The following GDPD1 variants were observed in gnomAD, a reference collection of about 807,000 sequenced individuals.
The protein encoded by GDPD1 is glycerophosphodiester phosphodiesterase domain containing 1, also known as lysophospholipase D GDPD1.
GDPD1 carries 28 observed loss-of-function variants against 45.1 expected under a neutral mutation model. The ratio of observed to expected loss-of-function variants is 0.62; its 90% CI spans 0.46 to 0.85. The LOEUF is 0.85. GDPD1 is among the 40% of genes least tolerant of loss of function. GDPD1 has a pLI of 0.00. For synonymous variants in GDPD1, 139 were observed against 131.4 expected, an observed-to-expected ratio of 1.06 and a Z score of -0.40; for missense variants, 256 against 364.8, an observed-to-expected ratio of 0.70 and a Z score of 2.43.
intron 2 of GDPD1, 63 bp from the exon 3 acceptor site, chr17:59,245,351 C>T (rs2047202156): frequency 3.0e-6 from 4 of 1,327,974 alleles, no homozygotes; most frequent in Admixed American, 4.0e-5. Flanking sequence ...ATTGTTAGAT[C>T]TCATGCATGT....
At chr17:59,264,848 T>A (rs938019228) in intron 6 of GDPD1, among the ~76,000 whole-genome samples, 18 of 152,208 alleles carry the variant, frequency 1.2e-4, no homozygotes, top group African/African-American at 4.3e-4. Flanking sequence ...ATTTATATAA[T>A]TTTTTAATTT....
chr17:59,272,992 A>G, intron 9 of GDPD1, 156 bp downstream of exon 9: 2 of 1,486,338 alleles, frequency 1.3e-6, no homozygotes, highest in Non-Finnish European at 1.8e-6. Context: ...TCTTCCTTAC[A>G]CTTAGCAATA....
intron 1 of GDPD1, among the ~76,000 whole-genome samples, chr17:59,230,393 T>TC (rs1354040707): frequency 6.9e-6 from 1 of 144,412 alleles, no homozygotes; most frequent in Non-Finnish European, 1.5e-5. Flanking sequence ...TTTTTTTTTT[T>TC]TTTTTTTAGA....
At chr17:59,223,870 C>T (rs1597958530) in intron 1 of GDPD1, among the ~76,000 whole-genome samples, 1 of 152,142 alleles carries the variant, frequency 6.6e-6, no homozygotes, top group African/African-American at 2.4e-5. Context: ...GAGATGGTGC[C>T]ACTGCACTCC....
chr17:59,268,315 G>A (rs1206395376), intron 7 of GDPD1, among the ~76,000 whole-genome samples: 20 of 151,944 alleles, frequency 1.3e-4, no homozygotes, highest in Non-Finnish European at 2.4e-4. Context: ...GGTGGCTCAC[G>A]CCTGTAATCC....
In GDPD1 at chr17:59,273,641, TA is replaced by T; in HGVS notation, c.823-8del. ...TTTCTTCTCATACTTCTCACACTTC[TA>T]ATTTTCAGGTGTATATTTGGGTATT... On this transcript the variant is annotated splice_polypyrimidine_tract_variant and intron_variant, in intron 9 of 9. Transcript: ENST00000284116. 1 of 1,428,624 alleles carries T rather than the reference TA, an allele frequency of 7.0e-7. No homozygotes were observed. The highest frequency in any genetic ancestry group is 9.6e-7 in the Non-Finnish European group (1 of 1,038,006). 88.5% of individuals were successfully genotyped at this position (1,428,624 alleles called of 1,614,324 possible).
intron 6 of GDPD1, among the ~76,000 whole-genome samples, chr17:59,262,169 C>T (rs1373955231): frequency 3.3e-5 from 5 of 151,876 alleles, no homozygotes; most frequent in African/African-American, 1.2e-4. Flanking sequence ...ATCCGCCCGC[C>T]TCGGCCTCCC....
chr17:59,248,768 A>T lies in GDPD1; in HGVS notation c.350A>T (p.Asp117Val). The change falls in exon 4 of 10, where the codon GAT becomes GTT. Residue 117 changes from aspartate (D) to valine (V), a missense_variant. Physicochemically the swap from Asp to Val is radical, Grantham distance 152. Transcript: ENST00000284116. ...CELPPYLGKL[D>V]VSFQRACQCE... ...CTCCCACCTTACCTTGGCAAACTGG[A>T]TGTCTCATTTCAAAGAGGTAATATT... 6.2e-7 allele frequency: 1 copy of T among 1,605,534 alleles called. No homozygotes were observed. Among genetic ancestry groups the T allele is most frequent in the Non-Finnish European group, 8.5e-7 (1 of 1,175,438 alleles).
chr17:59,268,298 C>T (rs868457147), intron 7 of GDPD1, among the ~76,000 whole-genome samples: 2 of 151,888 alleles, frequency 1.3e-5, no homozygotes, highest in Non-Finnish European at 2.9e-5. Flanking sequence ...TTTTCATGGC[C>T]GGGCGCGGTG....
intron 6 of GDPD1, among the ~76,000 whole-genome samples, chr17:59,260,053 C>T (rs2047342449): frequency 5.2e-5 from 4 of 77,436 alleles, no homozygotes; most frequent in East Asian, 3.4e-4. Context: ...GGAGCCAGAC[C>T]CTGTCTCAAA....
chr17:59,220,620 C>T lies in GDPD1; in HGVS notation c.11C>T (p.Thr4Ile). 6.2e-7 allele frequency: 1 copy of T among 1,613,738 alleles called. No individual in the cohort carries two copies. Among genetic ancestry groups the T allele is most frequent in the Non-Finnish European group, 8.5e-7 (1 of 1,179,828 alleles). Residue 4 changes from threonine (T) to isoleucine (I), a missense_variant, in exon 1 of 10, where the codon ACT (threonine) becomes ATT (isoleucine). Coordinates refer to ENST00000284116, the MANE Select transcript of GDPD1 (RefSeq NM_182569.4). Reference protein sequence around the residue: MSSTAAFYLLSTLG... With the variant: MSSIAAFYLLSTLG... ...CACACGGTGACTGAGATGTCGTCCA[C>T]TGCGGCTTTTTACCTTCTCTCTACG...
chr17:59,252,029 C>G (rs1489672454), intron 4 of GDPD1, among the ~76,000 whole-genome samples: 2 of 130,432 alleles, frequency 1.5e-5, no homozygotes, highest in Non-Finnish European at 3.3e-5. Context: ...GAAAAGAAAA[C>G]AAGAAACTTG....
chr17:59,221,910 C>T (rs950388222), intron 1 of GDPD1, among the ~76,000 whole-genome samples: 5 of 152,140 alleles, frequency 3.3e-5, no homozygotes, highest in Admixed American at 2.0e-4. Flanking sequence ...TACGGAAGTA[C>T]ATTATCATTC....
At chr17:59,251,565 G>C (rs1029022430) in intron 4 of GDPD1, among the ~76,000 whole-genome samples, 9 of 151,970 alleles carry the variant, frequency 5.9e-5, no homozygotes, top group Non-Finnish European at 1.3e-4. Context: ...GAACAACACT[G>C]TGTACTGTCA....
intron 2 of GDPD1, among the ~76,000 whole-genome samples, chr17:59,238,736 GA>G (rs1475845059): frequency 1.3e-5 from 2 of 152,052 alleles, no homozygotes; most frequent in African/African-American, 4.8e-5. Flanking sequence ...TTAGGAGCAG[GA>G]ATCTTTTCTT....
At chr17:59,238,415 TA>T (rs752433101) in intron 2 of GDPD1, among the ~76,000 whole-genome samples, 7 of 127,478 alleles carry the variant, frequency 5.5e-5, no homozygotes, top group East Asian at 2.3e-4. Context: ...TATTATTTTT[TA>T]TTTTTTTTTT....
chr17:59,237,401 A>T (rs2047141204), intron 2 of GDPD1, among the ~76,000 whole-genome samples: 1 of 152,170 alleles, frequency 6.6e-6, no homozygotes. Flanking sequence ...ACCTTGTCTC[A>T]AAATAAATAA....
At chr17:59,224,375 C>G (rs1485473305) in intron 1 of GDPD1, among the ~76,000 whole-genome samples, 1 of 152,120 alleles carries the variant, frequency 6.6e-6, no homozygotes, top group Non-Finnish European at 1.5e-5. Flanking sequence ...ATAATCCCAG[C>G]ACTTTGGGAG....
chr17:59,225,490 G>A (rs1015197472), intron 1 of GDPD1, among the ~76,000 whole-genome samples: 43 of 151,944 alleles, frequency 2.8e-4, no homozygotes, highest in African/African-American at 1.0e-3. Context: ...ATGAGGTGGT[G>A]TCTGCCAAGC....
Sources: allele counts gnomAD v4.1 joint callset (sites outside exome capture counted in the v4.1 genomes callset), GRCh38; gene constraint gnomAD v4.1.1; transcripts MANE v1.5; gene names NCBI Gene and HGNC (gene_info 2026-07-23, HGNC 2026-07-21).